The following GRIP1 variants were observed in gnomAD, a reference collection of about 807,000 sequenced individuals.
The protein encoded by GRIP1 is glutamate receptor-interacting protein 1.
In GRIP1, 45 loss-of-function variants were observed where a neutral mutation model predicts 129.9. The observed-to-expected ratio is 0.35, with a 90% CI of 0.27 to 0.44. The LOEUF (loss-of-function observed/expected upper bound fraction) is 0.44. Among genes scored for constraint, GRIP1 ranks in the 20% least tolerant of loss-of-function variants. The pLI is 1.00. For synonymous variants in GRIP1, 530 were observed against 520.8 expected, an observed-to-expected ratio of 1.02 and a Z score of -0.24; for missense variants, 1,196 against 1,396.8, an observed-to-expected ratio of 0.86 and a Z score of 2.29.
intron 19 of GRIP1, among the ~76,000 whole-genome samples, chr12:66,385,137 C>T (rs1418945736): frequency 2.0e-5 from 3 of 152,012 alleles, no homozygotes; most frequent in Admixed American, 1.3e-4. Context: ...ATGGTGTAAG[C>T]ACATGAAATA....
chr12:66,781,040 A>G (rs2038141979), intron 1 of GRIP1, among the ~76,000 whole-genome samples: 1 of 152,126 alleles, frequency 6.6e-6, no homozygotes, highest in Non-Finnish European at 1.5e-5. Context: ...TAAAATGATT[A>G]TTGTTCACCA....
intron 4 of GRIP1, among the ~76,000 whole-genome samples, chr12:66,538,306 CCTT>C (rs1340278624): frequency 2.6e-5 from 4 of 151,912 alleles, no homozygotes; most frequent in African/African-American, 9.7e-5. Context: ...CTCAAGGAAT[CCTT>C]CTGCCTCAGC....
In GRIP1 at chr12:66,444,827, C is replaced by T. The variant is rs1191723994; in HGVS notation, c.1542-98G>A. 3.9e-6 allele frequency: 5 copies of T among 1,297,022 alleles called. No homozygotes were observed. In the South Asian group the frequency reaches 4.8e-5, roughly 12 times the overall value. The allele number at this position is 1,297,022 out of a possible 1,614,324, so 80.3% of individuals were successfully genotyped here. On this transcript the variant is annotated intron_variant, in intron 12 of 24. Transcript: ENST00000359742. ...TTGCTTGATCCTTGCAAAATAGCAT[C>T]ATAATTTGGTCTTGCTTATTCAATG...
At chr12:67,053,327 G>T (rs1452212034) in intron 1 of GRIP1, among the ~76,000 whole-genome samples, 1 of 152,192 alleles carries the variant, frequency 6.6e-6, no homozygotes, top group Non-Finnish European at 1.5e-5. Flanking sequence ...TCTCTTTCCT[G>T]CCCTATTGTT....
At chr12:66,448,047 C>T (rs1033418196) in intron 11 of GRIP1, among the ~76,000 whole-genome samples, 6 of 152,148 alleles carry the variant, frequency 3.9e-5, no homozygotes, top group African/African-American at 1.4e-4. Flanking sequence ...TACTCTCATT[C>T]TTTCCCTCAT....
At chr12:66,677,163 C>T (rs2034374472) in intron 1 of GRIP1, among the ~76,000 whole-genome samples, 1 of 152,188 alleles carries the variant, frequency 6.6e-6, no homozygotes, top group Non-Finnish European at 1.5e-5. Context: ...TCAATACTTT[C>T]CTCAATTATC....
At chr12:66,449,677 A>G (rs200535600) in intron 11 of GRIP1, among the ~76,000 whole-genome samples, 1 of 152,106 alleles carries the variant, frequency 6.6e-6, no homozygotes, top group Admixed American at 6.5e-5. Context: ...CCAGATAATA[A>G]TTTTTGCTAT....
intron 13 of GRIP1, among the ~76,000 whole-genome samples, chr12:66,442,319 T>G (rs917420148): frequency 7.2e-5 from 11 of 152,208 alleles, no homozygotes; most frequent in African/African-American, 2.4e-4. Context: ...TTGTTCTGGC[T>G]TAGGGTCTTT....
intron 1 of GRIP1, among the ~76,000 whole-genome samples, chr12:66,973,851 C>T (rs544457115): frequency 6.6e-6 from 1 of 151,366 alleles, no homozygotes; most frequent in Admixed American, 6.6e-5. Context: ...GAAGACCCTT[C>T]AGCATATTGA....
rs1026364366 is a variant in GRIP1, at chr12:66,528,212, G to T, written c.502+1619C>A. 1.1e-4 allele frequency among the ~76,000 whole-genome samples: 16 copies of T among 142,090 alleles called. No individual in the cohort carries two copies. In the Admixed American group the frequency reaches 1.2e-3, roughly 10 times the overall value. 93.2% of individuals were successfully genotyped at this position (142,090 alleles called of 152,430 possible). A position where few individuals can be genotyped will look rare whatever the true frequency, so the allele number is the denominator to read the frequency against. ...TGCAGTGGCACGATCTGGGCTCACT[G>T]CAAGCTCCACCTCCCGGGTTCACAC... On this transcript the variant is annotated intron_variant, in intron 5 of 24. Transcript: ENST00000359742.
intron 2 of GRIP1, among the ~76,000 whole-genome samples, chr12:66,574,150 C>T (rs1026296310): frequency 1.3e-5 from 2 of 152,186 alleles, no homozygotes; most frequent in Admixed American, 6.5e-5. Context: ...GGCAGAGATG[C>T]CTCGTCTTCT....
At chr12:66,912,765 G>A (rs1303792057) in intron 1 of GRIP1, among the ~76,000 whole-genome samples, 1 of 152,046 alleles carries the variant, frequency 6.6e-6, no homozygotes, top group Non-Finnish European at 1.5e-5. Flanking sequence ...TTTTGTGGGG[G>A]CTACAATCGA....
At chr12:67,067,359 G>C (rs2043647441) in intron 1 of GRIP1, among the ~76,000 whole-genome samples, 2 of 151,764 alleles carry the variant, frequency 1.3e-5, no homozygotes, top group South Asian at 4.2e-4. Context: ...TTTTTTTTAA[G>C]CAAACTGATA....
chr12:66,697,504 T>C (rs1368198850), intron 1 of GRIP1, among the ~76,000 whole-genome samples: 4 of 152,168 alleles, frequency 2.6e-5, no homozygotes, highest in Non-Finnish European at 5.9e-5. Context: ...TAGATAACCA[T>C]AGGGAAATGG....
chr12:66,979,282 A>G (rs932003524), intron 1 of GRIP1, among the ~76,000 whole-genome samples: 22 of 146,852 alleles, frequency 1.5e-4, no homozygotes, highest in Non-Finnish European at 2.7e-4. Context: ...AAGTACCATT[A>G]CCACTAGATA....
chr12:66,698,027 G>A lies in GRIP1; in HGVS notation c.-419-67691C>T, dbSNP rs138710555. On this transcript the variant is annotated intron_variant, in intron 1 of 4. Coordinates refer to the GRIP1 transcript ENST00000538373. The stretch of plus-strand genomic sequence containing the variant: ...AGTATTAAATACAGAAAAGAATTAC[G>A]GTTACAGTATTTGTGATCCTATATT... Among the ~76,000 whole-genome samples the A allele has an allele frequency of 3.3e-3, 507 of 152,108 alleles. 2 individuals are homozygous for A. Among genetic ancestry groups the A allele is most frequent in the African/African-American group, 0.011 (474 of 41,504 alleles).
At chr12:66,738,827 C>T (rs1187550826) in intron 1 of GRIP1, among the ~76,000 whole-genome samples, 2 of 152,136 alleles carry the variant, frequency 1.3e-5, no homozygotes, top group Non-Finnish European at 2.9e-5. Context: ...CCTCCTAGTG[C>T]AATGACATGA....
Position 66,795,800 on chromosome 12 carries a change from A to G in GRIP1, c.-420+8253T>C, listed in dbSNP as rs372511621. Among the ~76,000 whole-genome samples the G allele has an allele frequency of 7.9e-5, 12 of 152,304 alleles. No homozygotes were observed. In the East Asian group the frequency reaches 1.9e-3, roughly 24 times the overall value. On this transcript the variant is annotated intron_variant, in intron 1 of 4. Coordinates refer to the GRIP1 transcript ENST00000538373. ...ACTTTCTGGAAATAATTTCTTTGAC[A>G]TATAATCTTTCCTTGGACATACAAA...
chr12:66,803,414 T>C (rs1248765916), intron 1 of GRIP1, among the ~76,000 whole-genome samples: 1 of 152,192 alleles, frequency 6.6e-6, no homozygotes, highest in East Asian at 1.9e-4. Flanking sequence ...CGCTGACAGA[T>C]AAAAGAAAAC....
Sources: allele counts gnomAD v4.1 joint callset (sites outside exome capture counted in the v4.1 genomes callset), GRCh38; gene constraint gnomAD v4.1.1; transcripts MANE v1.5; gene names NCBI Gene and HGNC (gene_info 2026-07-23, HGNC 2026-07-21).